TLK1: variants seen among roughly 807,000 people sequenced by gnomAD.
TLK1 encodes the protein serine/threonine-protein kinase tousled-like 1.
In TLK1, 24 loss-of-function variants were observed where a neutral mutation model predicts 105.3. The ratio of observed to expected loss-of-function variants is 0.23; its 90% CI spans 0.17 to 0.32. TLK1 has a LOEUF of 0.32. Ranked by LOEUF, TLK1 falls within the 10% of genes least tolerant of loss-of-function variation. The pLI, the probability that TLK1 is intolerant of heterozygous loss-of-function variation, is 1.00. For synonymous variants in TLK1, 321 were observed against 310.4 expected (o/e 1.03, Z -0.36); for missense variants, 558 against 910.5 (o/e 0.61, Z 4.98).
rs3770426 is a variant in TLK1, at chr2:171,064,207, C to T, written c.331-3051G>A. Among the ~76,000 whole-genome samples, 99 of 152,248 alleles carry T rather than the reference C, an allele frequency of 6.5e-4. 1 individual carries two copies. In the East Asian group the frequency reaches 0.017, roughly 27 times the overall value. On this transcript the variant is annotated intron_variant, in intron 3 of 20. Transcript: ENST00000431350. ...AACAGGACTAAAATTAATTTTAAGA[C>T]TGTTGTGCCCCAGAAGTTATTAAAG...
intron 1 of TLK1, among the ~76,000 whole-genome samples, chr2:171,129,060 T>A (rs1012227652): frequency 6.6e-6 from 1 of 152,160 alleles, no homozygotes. Context: ...TAAGAAGGAA[T>A]GTTCTCTAAG....
At position 170,992,010 on chromosome 2, in the gene TLK1, A is replaced by C. The variant is rs1683806560; in HGVS notation, c.*1770T>G. The C allele has an allele frequency of 6.6e-6, 1 of 152,078 alleles. No individual in the cohort carries two copies. The highest frequency in any genetic ancestry group is 1.5e-5 in the Non-Finnish European group (1 of 68,006). The allele number at this position is 152,078 out of a possible 1,614,324, so 9.4% of individuals were successfully genotyped here. Reference sequence around the variant, plus strand: ...TACTTACCCAGGAGTTGCCTTGATAATGGTTATTAGGTTTAACTTTAACAG... The same window carrying C: ...TACTTACCCAGGAGTTGCCTTGATACTGGTTATTAGGTTTAACTTTAACAG... On this transcript the variant is annotated 3_prime_UTR_variant, in exon 21 of 21. Coordinates refer to ENST00000431350, the MANE Select transcript of TLK1 (RefSeq NM_012290.5).
At position 171,160,227 on chromosome 2, in the gene TLK1, G is replaced by A. The variant is rs1027505929; in HGVS notation, c.139+63C>T. The stretch of plus-strand genomic sequence containing the variant: ...CCGGGGCGGGGGGGGCGGGGGGGGG[G>A]CGCGGGGGTCCGCGGCGCGGGAGAG... On this transcript the variant is annotated intron_variant, in intron 1 of 20. Coordinates refer to ENST00000431350, the MANE Select transcript of TLK1 (RefSeq NM_012290.5). The surrounding 1 kb of genome is among the most constrained non-coding windows in gnomAD (Gnocchi z 4.4). 6 of 1,287,736 alleles carry A rather than the reference G, an allele frequency of 4.7e-6. No homozygotes were observed. The highest frequency in any genetic ancestry group is 4.9e-6 in the Non-Finnish European group (5 of 1,011,462). 79.8% of individuals were successfully genotyped at this position (1,287,736 alleles called of 1,614,324 possible).
intron 3 of TLK1, among the ~76,000 whole-genome samples, chr2:171,062,528 G>A (rs1431760940): frequency 6.6e-6 from 1 of 152,130 alleles, no homozygotes; most frequent in Non-Finnish European, 1.5e-5. Context: ...AATGTTCATA[G>A]CATCTGAATT....
intron 1 of TLK1, among the ~76,000 whole-genome samples, chr2:171,137,647 G>A (rs576057361): frequency 1.3e-5 from 2 of 152,026 alleles, no homozygotes; most frequent in Admixed American, 6.6e-5. Context: ...TCAGGAGTTC[G>A]CGACCAACCT....
chr2:171,109,464 A>C (rs1690068197), intron 2 of TLK1, among the ~76,000 whole-genome samples: 1 of 152,230 alleles, frequency 6.6e-6, no homozygotes, highest in Non-Finnish European at 1.5e-5. Context: ...TAATCAAGAA[A>C]CAAGAAAAGT....
chr2:171,158,384 T>C (rs1692317529), intron 1 of TLK1, among the ~76,000 whole-genome samples: 1 of 152,208 alleles, frequency 6.6e-6, no homozygotes, highest in Non-Finnish European at 1.5e-5. Flanking sequence ...AAGTTCAAGC[T>C]AAATGATTCC....
chr2:171,006,425 T>A (rs771251098), intron 17 of TLK1, 49 bp downstream of exon 17: 60 of 1,521,642 alleles, frequency 3.9e-5, no homozygotes, highest in Non-Finnish European at 5.3e-5. Flanking sequence ...GAATGACTTT[T>A]AAAAACTATA....
chr2:171,171,000 C>CACCTCACACCAA (rs1295665195), intron 1 of TLK1, among the ~76,000 whole-genome samples: 2 of 152,002 alleles, frequency 1.3e-5, no homozygotes, highest in East Asian at 3.8e-4. Flanking sequence ...ACACCAAACA[C>CACCTCACACCAA]AAAAATATAT....
chr2:171,112,001 G>A (rs928203252), intron 2 of TLK1, among the ~76,000 whole-genome samples: 3 of 152,154 alleles, frequency 2.0e-5, no homozygotes, highest in Non-Finnish European at 2.9e-5. Context: ...GCCCAGGCTG[G>A]AGTGCAGTGG....
chr2:171,158,983 T>C (rs377399206), intron 1 of TLK1, among the ~76,000 whole-genome samples: 13 of 152,244 alleles, frequency 8.5e-5, no homozygotes, highest in South Asian at 2.1e-4. Flanking sequence ...TTTAAGCCTA[T>C]TGTCACTTTC....
intron 18 of TLK1, among the ~76,000 whole-genome samples, 153 bp from the exon 19 acceptor site, chr2:170,997,976 A>G (rs538404989): frequency 7.9e-5 from 12 of 152,214 alleles, no homozygotes; most frequent in Non-Finnish European, 1.8e-4. Context: ...TGGAGCATTT[A>G]CATTCTTTTA....
At chr2:171,192,882 G>A (rs1693182581) in intron 1 of TLK1, among the ~76,000 whole-genome samples, 2 of 152,094 alleles carry the variant, frequency 1.3e-5, no homozygotes, top group Non-Finnish European at 2.9e-5. Flanking sequence ...CACAAGAGAG[G>A]ATTATTCTGG....
At chr2:171,201,911 A>G (rs956718327) in intron 1 of TLK1, among the ~76,000 whole-genome samples, 2 of 151,120 alleles carry the variant, frequency 1.3e-5, no homozygotes, top group African/African-American at 4.9e-5. Context: ...CTATCTATCT[A>G]TCTATCTATC....
chr2:171,120,457 AC>A (rs1358788044), intron 1 of TLK1, among the ~76,000 whole-genome samples: 2 of 152,072 alleles, frequency 1.3e-5, no homozygotes, highest in Admixed American at 6.6e-5. Context: ...AACAAAAAAA[AC>A]CCAATTAAAA....
chr2:171,141,281 T>C (rs903780426), intron 1 of TLK1, among the ~76,000 whole-genome samples: 6 of 152,204 alleles, frequency 3.9e-5, no homozygotes, highest in Non-Finnish European at 7.4e-5. Context: ...GATAGAATGA[T>C]GGAAATGTTC....
intron 19 of TLK1, among the ~76,000 whole-genome samples, chr2:170,996,974 G>A (rs994944952): frequency 4.6e-5 from 7 of 152,116 alleles, no homozygotes; most frequent in Admixed American, 2.0e-4. Flanking sequence ...CTTCAACATA[G>A]ATTAAACACT....
chr2:171,060,047 G>A, intron 4 of TLK1: 1 of 1,600,476 alleles, frequency 6.2e-7, no homozygotes, highest in Non-Finnish European at 8.5e-7. Context: ...TCCAAAGGAA[G>A]GGGGGAAAAA....
chr2:171,137,914 C>A (rs1185357446), intron 1 of TLK1, among the ~76,000 whole-genome samples: 1 of 151,702 alleles, frequency 6.6e-6, no homozygotes, highest in Non-Finnish European at 1.5e-5. Context: ...TTATTAAGCT[C>A]TTTGAGCACT....
Sources: gnomAD v4.1 joint callset for allele counts (sites outside exome capture counted in the v4.1 genomes callset) on GRCh38, gnomAD v4.1.1 for gene constraint, Gnocchi (gnomAD v3.1) non-coding constraint, MANE v1.5 for transcripts, NCBI Gene and HGNC (gene_info 2026-07-23, HGNC 2026-07-21) for gene names.